Variants in VIRMA observed in about 807,000 individuals in gnomAD.
The protein encoded by VIRMA is protein virilizer homolog.
VIRMA carries 65 observed loss-of-function variants against 182.4 expected under a neutral mutation model. The observed-to-expected ratio is 0.36, with a 90% CI of 0.29 to 0.44. The LOEUF is 0.44. VIRMA is among the 20% of genes least tolerant of loss of function. VIRMA has a pLI of 1.00. For missense variants in VIRMA, 1,752 were observed against 2,158.1 expected (o/e 0.81, Z 3.73); for synonymous variants, 709 against 743.1 (o/e 0.95, Z 0.75).
intron 17 of VIRMA, chr8:94,498,113 G>C (rs937384578): frequency 6.6e-6 from 1 of 152,186 alleles, no homozygotes; most frequent in Non-Finnish European, 1.5e-5. Flanking sequence ...ATAGGTTCAA[G>C]TGATTTCCCC....
At position 94,488,675 on chromosome 8, in the gene VIRMA, A is replaced by C. The variant is rs1234072179; in HGVS notation, c.*31T>G. 6.2e-7 allele frequency: 1 copy of C among 1,609,806 alleles called. No homozygotes were observed. Among genetic ancestry groups the C allele is most frequent in the African/African-American group, 1.3e-5 (1 of 74,842 alleles). ...TTTTTATTGTCCTCGTGAAATGTTC[A>C]TATACAGTTAAGATGTTCCCAAAAG... On this transcript the variant is annotated 3_prime_UTR_variant, in exon 24 of 24. Coordinates refer to ENST00000297591, the MANE Select transcript of VIRMA (RefSeq NM_015496.5).
intron 3 of VIRMA, among the ~76,000 whole-genome samples, chr8:94,537,757 C>T (rs1815390494): frequency 6.6e-6 from 1 of 151,484 alleles, no homozygotes; most frequent in Non-Finnish European, 1.5e-5. Flanking sequence ...CATTTGTTTG[C>T]AGACATCACA....
In VIRMA at chr8:94,511,206, T is replaced by A. The variant is rs531597467; in HGVS notation, c.3369A>T (p.Pro1123=). 6.2e-7 allele frequency: 1 copy of A among 1,614,022 alleles called. No homozygotes were observed. The highest frequency in any genetic ancestry group is 2.2e-5 in the East Asian group (1 of 44,856). The change falls in exon 13 of 24, where the codon CCA becomes CCT. Residue 1123 remains proline, a synonymous_variant. Coordinates refer to ENST00000297591, the MANE Select transcript of VIRMA (RefSeq NM_015496.5). ...ATACCTGAGTTGTTTGCATGGGCAA[T>A]GGAAGAGGCAGCAGCTCTGAAAGGA... ...LILLSELLPL[P]LPMQTTQVIE...
At chr8:94,531,446 A>C (rs1586100531) in intron 5 of VIRMA, among the ~76,000 whole-genome samples, 1 of 152,340 alleles carries the variant, frequency 6.6e-6, no homozygotes, top group East Asian at 1.9e-4. Context: ...TTAACTAATA[A>C]ACTTTTCCTT....
chr8:94,491,646 G>A lies in VIRMA; in HGVS notation c.5072C>T (p.Ser1691Leu). The change falls in exon 22 of 24, where the codon TCA (serine) becomes TTA (leucine). Residue 1691 changes from serine (S) to leucine (L), a missense_variant. By Grantham distance (145) the Ser-to-Leu change is moderately radical (BLOSUM62 -2). Around this residue, in one of 11 missense-constraint regions of VIRMA, gnomAD observed 132 missense variants for 173.8 expected, o/e 0.76. Transcript: ENST00000297591. Reference protein sequence around the residue: ...SQKISSRGGFSGNRGGRGAFH... With the variant: ...SQKISSRGGFLGNRGGRGAFH... ...AGCACCCCGTCCTCCTCTATTGCCT[G>A]AAAACCCACCACGGGAAGAAATCTT... 6.2e-7 allele frequency: 1 copy of A among 1,614,186 alleles called. No individual in the cohort carries two copies. Among genetic ancestry groups the A allele is most frequent in the Non-Finnish European group, 8.5e-7 (1 of 1,180,038 alleles).
chr8:94,537,520 C>A (rs1815384013), intron 3 of VIRMA, among the ~76,000 whole-genome samples: 1 of 151,698 alleles, frequency 6.6e-6, no homozygotes, highest in Non-Finnish European at 1.5e-5. Context: ...ATAAAAACAC[C>A]CCCAAATACT....
intron 2 of VIRMA, among the ~76,000 whole-genome samples, chr8:94,540,360 A>G (rs1035277047): frequency 8.5e-5 from 13 of 152,170 alleles, no homozygotes; most frequent in African/African-American, 2.9e-4. Flanking sequence ...CTAAAAAGTA[A>G]CAGCAAAATA....
chr8:94,489,949 A>G lies in VIRMA; in HGVS notation c.5274T>C (p.Leu1758=). Residue 1758 remains leucine (L), a synonymous_variant, in exon 23 of 24, where the codon CTT becomes CTC. Coordinates refer to ENST00000297591, the MANE Select transcript of VIRMA (RefSeq NM_015496.5). The stretch of plus-strand genomic sequence containing the variant: ...AGCAAGGATGTATACCTGTAGAACT[A>G]AGGGGTCGTAATGGTGGAAGAGGGC... The part of the protein sequence containing the change: ...NRGPLPPLRP[L]SSTGYRPSPR... 2 of 1,613,450 alleles carry G rather than the reference A, an allele frequency of 1.2e-6. No individual in the cohort carries two copies.
intron 22 of VIRMA, among the ~76,000 whole-genome samples, chr8:94,490,955 T>C (rs1274413076): frequency 6.6e-6 from 1 of 151,734 alleles, no homozygotes; most frequent in Non-Finnish European, 1.5e-5. Context: ...TTAAGAAAAC[T>C]GTTAAGTATA....
At chr8:94,525,210 G>T (rs770914188) in intron 8 of VIRMA, among the ~76,000 whole-genome samples, 18 of 152,218 alleles carry the variant, frequency 1.2e-4, no homozygotes, top group Non-Finnish European at 1.6e-4. Context: ...TTGAACCAAA[G>T]GGGAGAGTTG....
At chr8:94,499,156 A>C (rs763538736) in intron 17 of VIRMA, 20 of 338,460 alleles carry the variant, frequency 5.9e-5, no homozygotes, top group Non-Finnish European at 9.6e-5. Flanking sequence ...AAGTGATTTA[A>C]CTTACGGCAA....
At chr8:94,551,070 T>A (rs1815970417) in intron 1 of VIRMA, among the ~76,000 whole-genome samples, 1 of 152,148 alleles carries the variant, frequency 6.6e-6, no homozygotes, top group Admixed American at 6.5e-5. Context: ...TGATCTGTCT[T>A]TGAATTGCCT....
At position 94,509,838 on chromosome 8, in the gene VIRMA, C is replaced by T. The variant is rs764502806; in HGVS notation, c.3729G>A (p.Leu1243=). 6.2e-7 allele frequency: 1 copy of T among 1,613,886 alleles called. No homozygotes were observed. Among genetic ancestry groups the T allele is most frequent in the South Asian group, 1.1e-5 (1 of 91,072 alleles). ...ASHKACKLAI[L]HLINGTIKGD... is the part of the protein sequence containing the mutation. ...CTTTAATAGTTCCATTAATTAGATGCAAAATAGCTAATTTACAAGCTTTGT... is the reference window on the plus strand; with the variant it reads ...CTTTAATAGTTCCATTAATTAGATGTAAAATAGCTAATTTACAAGCTTTGT... The change falls in exon 15 of 24, where the codon TTG becomes TTA. Residue 1243 remains leucine (L), a synonymous_variant. Coordinates refer to ENST00000297591, the MANE Select transcript of VIRMA (RefSeq NM_015496.5).
intron 2 of VIRMA, among the ~76,000 whole-genome samples, chr8:94,543,438 T>C (rs1029279624): frequency 4.3e-5 from 5 of 115,736 alleles, no homozygotes; most frequent in Non-Finnish European, 9.4e-5. Context: ...GTAATAATAA[T>C]AATAATAATA....
At chr8:94,503,524 T>C (rs527506821) in intron 16 of VIRMA, among the ~76,000 whole-genome samples, 1 of 151,946 alleles carries the variant, frequency 6.6e-6, no homozygotes, top group African/African-American at 2.4e-5. Context: ...GTCAAGGTCA[T>C]GAAAGATAAG....
chr8:94,494,224 G>A (rs1392718135), intron 20 of VIRMA, among the ~76,000 whole-genome samples: 1 of 152,130 alleles, frequency 6.6e-6, no homozygotes, highest in Non-Finnish European at 1.5e-5. Context: ...GGAGGCCAAA[G>A]AGAGAGGATT....
At chr8:94,503,467 A>T (rs1354216230) in intron 16 of VIRMA, among the ~76,000 whole-genome samples, 1 of 152,192 alleles carries the variant, frequency 6.6e-6, no homozygotes, top group Non-Finnish European at 1.5e-5. Context: ...GACAAACTCA[A>T]ATTGAGGGAC....
At chr8:94,510,394 T>G (rs567525569) in intron 14 of VIRMA, 23 bp downstream of exon 14, 13 of 1,584,286 alleles carry the variant, frequency 8.2e-6, no homozygotes, top group African/African-American at 2.7e-5. Flanking sequence ...GAGGAAAAAA[T>G]TTTTAATGCA....
intron 15 of VIRMA, 97 bp downstream of exon 15, chr8:94,509,591 A>T (rs2130302568): frequency 7.6e-7 from 1 of 1,309,394 alleles, no homozygotes; most frequent in Admixed American, 2.5e-5. Context: ...ACAGCTGTTC[A>T]TTCACAGCCA....
Sources: gnomAD v4.1 joint callset for allele counts (sites outside exome capture counted in the v4.1 genomes callset) on GRCh38, gnomAD v4.1.1 for gene constraint, gnomAD v4.1.1 regional missense constraint, MANE v1.5 for transcripts, NCBI Gene and HGNC (gene_info 2026-07-23, HGNC 2026-07-21) for gene names.